Variants in NUP214 observed in about 807,000 individuals in gnomAD.
NUP214 encodes nuclear pore complex protein Nup214.
Under a neutral mutation model 196.2 loss-of-function variants are expected in NUP214, and 79 were observed. That is an observed-to-expected ratio of 0.40 (90% CI 0.34 to 0.49). The LOEUF (loss-of-function observed/expected upper bound fraction) is 0.49. Among genes scored for constraint, NUP214 ranks in the 20% least tolerant of loss-of-function variants. The pLI is 0.58. For missense variants in NUP214, 2,468 were observed against 2,539.0 expected, an observed-to-expected ratio of 0.97 and a Z score of 0.60; for synonymous variants, 1,020 against 990.5, an observed-to-expected ratio of 1.03 and a Z score of -0.56.
chr9:131,128,762 A>G (rs1442596956), intron 3 of NUP214: 1 of 346,394 alleles, frequency 2.9e-6, no homozygotes, highest in Non-Finnish European at 5.3e-6. Context: ...AAGTTCCTAC[A>G]TTTTGGATGT....
In NUP214 at chr9:131,139,558, C is replaced by A. The variant is rs567626399; in HGVS notation, c.1132+151C>A. ...TTTCTCCCTGAAGAGTGATAACAGG[C>A]TGCGTTGTGACAACACTAAACTGAT... is the stretch of plus-strand genomic sequence containing the variant. On this transcript the variant is annotated intron_variant, in intron 10 of 35. Transcript: ENST00000359428. 46 of 1,147,564 alleles carry A rather than the reference C, an allele frequency of 4.0e-5. No individual in the cohort carries two copies. The African/African-American group carries it at 6.3e-4, about 16-fold the overall frequency. 71.1% of individuals were successfully genotyped at this position (1,147,564 alleles called of 1,614,324 possible).
chr9:131,132,991 A>G, intron 6 of NUP214, 115 bp from the exon 7 acceptor site: 1 of 809,044 alleles, frequency 1.2e-6, no homozygotes. Flanking sequence ...AGTCAATGAA[A>G]TCAGGGCCTT....
chr9:131,207,689 G>C (rs1834123135), intron 30 of NUP214, among the ~76,000 whole-genome samples: 1 of 152,236 alleles, frequency 6.6e-6, no homozygotes. Context: ...TATGTGACTA[G>C]AAGTATTGCT....
rs1214686569 is a variant in NUP214 at position 131,139,399 on chromosome 9, T to C, written c.1124T>C (p.Ile375Thr). ...VVVDYTNQVE[I>T]TISDEKTLPP... is the part of the protein sequence containing the mutation. ...GTAGACTATACAAACCAAGTGGAAA[T>C]CACCATCAGTAAGTGTAGCCTGGTA... Residue 375 changes from isoleucine to threonine, a missense_variant, in exon 10 of 36, where the codon ATC becomes ACC. By Grantham distance (89) the Ile-to-Thr change is moderately conservative (BLOSUM62 -1). Coordinates refer to ENST00000359428, the MANE Select transcript of NUP214 (RefSeq NM_005085.4). The C allele has an allele frequency of 6.2e-7, 1 of 1,603,742 alleles. No homozygotes were observed. The highest frequency in any genetic ancestry group is 8.5e-7 in the Non-Finnish European group (1 of 1,176,206).
chr9:131,193,482 T>A (rs1477494989), intron 27 of NUP214, among the ~76,000 whole-genome samples: 1 of 151,838 alleles, frequency 6.6e-6, no homozygotes, highest in Admixed American at 6.6e-5. Flanking sequence ...TACATATATT[T>A]TTTCTTTATT....
At chr9:131,217,402 T>C (rs1242973486) in intron 31 of NUP214, among the ~76,000 whole-genome samples, 1 of 152,212 alleles carries the variant, frequency 6.6e-6, no homozygotes, top group Non-Finnish European at 1.5e-5. Context: ...GCCAATGAAC[T>C]CTTAAGTAGC....
intron 24 of NUP214, among the ~76,000 whole-genome samples, chr9:131,182,395 CT>C (rs1285427849): frequency 6.6e-6 from 1 of 152,220 alleles, no homozygotes; most frequent in Non-Finnish European, 1.5e-5. Context: ...TCAGCGGCAG[CT>C]TTGGATTCTC....
Position 131,233,629 on chromosome 9 carries a change from A to C in NUP214, c.*142A>C. The C allele has an allele frequency of 1.5e-4, 127 of 846,694 alleles. No individual in the cohort carries two copies. The highest frequency in any genetic ancestry group is 2.2e-4 in the Non-Finnish European group (116 of 515,882). 52.4% of individuals were successfully genotyped at this position (846,694 alleles called of 1,614,324 possible). On this transcript the variant is annotated 3_prime_UTR_variant, in exon 36 of 36. Coordinates refer to ENST00000359428, the MANE Select transcript of NUP214 (RefSeq NM_005085.4). ...AAAGAAACAACAGAAACCAAAACTCACAAGGCGCATGATTACTTGTTTTAT... is the reference window on the plus strand; with the variant it reads ...AAAGAAACAACAGAAACCAAAACTCCCAAGGCGCATGATTACTTGTTTTAT...
chr9:131,155,730 T>C (rs562633261), intron 17 of NUP214, among the ~76,000 whole-genome samples: 11 of 152,326 alleles, frequency 7.2e-5, no homozygotes, highest in African/African-American at 2.6e-4. Context: ...ATTTGTTGAA[T>C]AGGGTGTCCT....
At chr9:131,215,555 TA>T (rs1242421550) in intron 31 of NUP214, among the ~76,000 whole-genome samples, 187 bp downstream of exon 31, 1 of 145,858 alleles carries the variant, frequency 6.9e-6, no homozygotes. Flanking sequence ...TGAGATGTCC[TA>T]TATAATCATG....
intron 21 of NUP214, among the ~76,000 whole-genome samples, chr9:131,166,543 G>A (rs189454955): frequency 1.0e-3 from 158 of 152,256 alleles, no homozygotes; most frequent in Non-Finnish European, 6.2e-4. Context: ...TGGGCATGCT[G>A]GGAAGAATAA....
intron 2 of NUP214, 37 bp from the exon 3 acceptor site, chr9:131,128,295 A>G (rs756942106): frequency 6.3e-7 from 1 of 1,592,626 alleles, no homozygotes. Context: ...TGCTTAGAAC[A>G]TACCGTTTTC....
At chr9:131,170,994 C>T (rs1231677564) in intron 21 of NUP214, among the ~76,000 whole-genome samples, 3 of 151,966 alleles carry the variant, frequency 2.0e-5, no homozygotes, top group Non-Finnish European at 4.4e-5. Context: ...CCCTCCCTGC[C>T]CTCAGTCATG....
Position 131,150,637 on chromosome 9 carries a change from T to G in NUP214, c.2149T>G (p.Leu717Val), listed in dbSNP as rs75412063. 6 of 1,612,768 alleles carry G rather than the reference T, an allele frequency of 3.7e-6. No individual in the cohort carries two copies. Among genetic ancestry groups the G allele is most frequent in the Non-Finnish European group, 5.1e-6 (6 of 1,179,658 alleles). ...ACAGATTGCACACTTTCAGAAGGAG[T>G]TGGAAGAGTTAAAAGCCCGAACTTC... ...GEEIAHFQKE[L>V]EELKARTSKA... Residue 717 changes from leucine (L) to valine (V), a missense_variant, in exon 16 of 36, where the codon TTG becomes GTG. Leu to Val is a conservative substitution (Grantham distance 32). Around this residue, in one of 5 missense-constraint regions of NUP214, gnomAD observed 1,801 missense variants for 1,779.4 expected, o/e 1.01. Transcript: ENST00000359428.
chr9:131,140,454 C>G, intron 10 of NUP214, 95 bp from the exon 11 acceptor site: 1 of 1,078,008 alleles, frequency 9.3e-7, no homozygotes, highest in Non-Finnish European at 1.3e-6. Flanking sequence ...AGATGAGTCC[C>G]TTAAACCCTC....
chr9:131,144,773 T>A lies in NUP214; in HGVS notation c.1769+19T>A, dbSNP rs1055708082. ...GTGAAAAGTAAGTCACTTCTAAAGT[T>A]TGATTCTTCTGTGAGTTGGGTAGAA... On this transcript the variant is annotated intron_variant, in intron 12 of 35. Transcript: ENST00000359428. 8 of 1,525,552 alleles carry A rather than the reference T, an allele frequency of 5.2e-6. No homozygotes were observed. The African/African-American group carries it at 1.1e-4, about 21-fold the overall frequency. The allele number at this position is 1,525,552 out of a possible 1,614,324, so 94.5% of individuals were successfully genotyped here. A position where few individuals can be genotyped will look rare whatever the true frequency, so the allele number is the denominator to read the frequency against.
At chr9:131,201,360 C>T (rs186991093) in intron 29 of NUP214, among the ~76,000 whole-genome samples, 570 of 151,532 alleles carry the variant, frequency 3.8e-3, no homozygotes, top group African/African-American at 0.012. Context: ...AAGCCGAGAT[C>T]GCGCCACTGC....
chr9:131,136,083 C>T (rs1341953045), intron 9 of NUP214, 77 bp downstream of exon 9: 2 of 1,228,112 alleles, frequency 1.6e-6, no homozygotes, highest in Non-Finnish European at 1.2e-6. Context: ...CTCTGTTGTC[C>T]AGGCTGGAGT....
chr9:131,130,900 G>A (rs953762324), intron 5 of NUP214, 64 bp downstream of exon 5: 4 of 1,305,136 alleles, frequency 3.1e-6, no homozygotes, highest in Non-Finnish European at 4.4e-6. Context: ...GGGTGGTTTG[G>A]GAGTATCTTT....
Sources: allele counts gnomAD v4.1 joint callset (sites outside exome capture counted in the v4.1 genomes callset), GRCh38; gene constraint gnomAD v4.1.1; regional missense constraint gnomAD v4.1.1; transcripts MANE v1.5; gene names NCBI Gene and HGNC (gene_info 2026-07-23, HGNC 2026-07-21).